The following DISC1 variants were observed in gnomAD, a reference collection of about 807,000 sequenced individuals.
DISC1 encodes the protein disrupted in schizophrenia 1 protein.
Under a neutral mutation model 84.5 loss-of-function variants are expected in DISC1, and 57 were observed. The ratio of observed to expected loss-of-function variants is 0.67; its 90% confidence interval spans 0.55 to 0.84. The LOEUF is 0.84. DISC1 is among the 40% of genes least tolerant of loss of function. The pLI is 0.00. For missense variants in DISC1, 1,000 were observed against 1,057.8 expected, an observed-to-expected ratio of 0.95 and a Z score of 0.76; for synonymous variants, 411 against 415.2, an observed-to-expected ratio of 0.99 and a Z score of 0.12.
chr1:231,731,031 A>G lies in DISC1; in HGVS notation c.1118-18895A>G, dbSNP rs186706736. The stretch of plus-strand genomic sequence containing the variant: ...TTTTTGTGTAGGCATGATCTATCAC[A>G]TTTCCCTGTATAACCCCAAATGGGA... On this transcript the variant is annotated intron_variant, in intron 3 of 12. Coordinates refer to ENST00000439617, the MANE Select transcript of DISC1 (RefSeq NM_018662.3). 4.1e-3 allele frequency among the ~76,000 whole-genome samples: 618 copies of G among 152,300 alleles called. 8 individuals carry two copies. Among genetic ancestry groups the G allele is most frequent in the Admixed American group, 0.037 (572 of 15,302 alleles).
rs59522401 is a variant in DISC1, at chr1:231,861,452, GTTTTTTT to G, written c.1981+42954_1981+42960del. Among the ~76,000 whole-genome samples, 16 of 88,984 alleles carry G rather than the reference GTTTTTTT, an allele frequency of 1.8e-4. No individual in the cohort carries two copies. The South Asian group carries it at 3.4e-3, about 19-fold the overall frequency. The allele number at this position is 88,984 out of a possible 152,430, so 58.4% of individuals were successfully genotyped here. ...CAGACTCTGTCATTGATTTTGACAAGTTTTTTTTTTTTTTTTTTTTTTTTTGGTTGTT... is the reference window on the plus strand; with the variant it reads ...CAGACTCTGTCATTGATTTTGACAAGTTTTTTTTTTTTTTTTTTGGTTGTT... On this transcript the variant is annotated intron_variant, in intron 9 of 12. Transcript: ENST00000439617.
intron 1 of DISC1, among the ~76,000 whole-genome samples, chr1:231,660,838 T>C (rs1370890253): frequency 1.3e-5 from 2 of 152,206 alleles, no homozygotes; most frequent in Non-Finnish European, 2.9e-5. Flanking sequence ...TTTGCAGACT[T>C]GTTTATGTAG....
chr1:231,982,982 C>T (rs1335263676), intron 10 of DISC1, among the ~76,000 whole-genome samples: 1 of 152,080 alleles, frequency 6.6e-6, no homozygotes, highest in East Asian at 1.9e-4. Flanking sequence ...GAAGTAAAGA[C>T]AAGTCTAAAA....
chr1:231,934,541 A>G (rs1655163849), intron 9 of DISC1, among the ~76,000 whole-genome samples: 1 of 152,232 alleles, frequency 6.6e-6, no homozygotes, highest in African/African-American at 2.4e-5. Context: ...CAGTAGAAAT[A>G]TGCAACTTAT....
intron 3 of DISC1, among the ~76,000 whole-genome samples, chr1:231,721,414 C>T (rs2125103056): frequency 6.6e-6 from 1 of 152,304 alleles, no homozygotes; most frequent in Middle Eastern, 3.4e-3. Flanking sequence ...GATTTGGCTT[C>T]ATGCTCCAAG....
chr1:232,036,467 C>T (rs1487654584), intron 12 of DISC1, among the ~76,000 whole-genome samples: 1 of 152,162 alleles, frequency 6.6e-6, no homozygotes, highest in Non-Finnish European at 1.5e-5. Context: ...TAAGACCTGA[C>T]TTGAGAGAGT....
At chr1:231,771,858 C>A (rs1339782999) in intron 6 of DISC1, among the ~76,000 whole-genome samples, 1 of 152,098 alleles carries the variant, frequency 6.6e-6, no homozygotes, top group African/African-American at 2.4e-5. Context: ...GGCTGGAGCA[C>A]AGTGGCACAA....
intron 1 of DISC1, among the ~76,000 whole-genome samples, chr1:231,682,028 T>TG (rs1008891367): frequency 1.3e-5 from 2 of 152,078 alleles, no homozygotes; most frequent in Non-Finnish European, 2.9e-5. Context: ...ATTATGTGCA[T>TG]GGGGGGCATC....
intron 9 of DISC1, among the ~76,000 whole-genome samples, chr1:231,912,756 T>A (rs1239858383): frequency 9.7e-6 from 1 of 103,480 alleles, no homozygotes; most frequent in African/African-American, 4.4e-5. Flanking sequence ...TTTCTTTCTT[T>A]CTTTCTTTCT....
chr1:231,637,335 C>T lies in DISC1; in HGVS notation c.67+10401C>T, dbSNP rs192875490. Among the ~76,000 whole-genome samples, 377 of 152,188 alleles carry T rather than the reference C, an allele frequency of 2.5e-3. 1 individual carries two copies. Among genetic ancestry groups the T allele is most frequent in the Non-Finnish European group, 3.6e-3 (245 of 68,012 alleles). On this transcript the variant is annotated intron_variant, in intron 1 of 12. Transcript: ENST00000439617. ...GTATACACCCAGTAATGGGATTGCTCGGTCAAATGATTAGTTTTTTATTTA... is the reference window on the plus strand; with the variant it reads ...GTATACACCCAGTAATGGGATTGCTTGGTCAAATGATTAGTTTTTTATTTA...
chr1:231,818,414 C>A lies in DISC1; in HGVS notation c.1878C>A (p.Ser626Arg). Residue 626 changes from serine to arginine, a missense_variant, in exon 9 of 13, where the codon AGC (serine) becomes AGA (arginine). Ser to Arg is a moderately radical substitution (Grantham distance 110). This residue lies in a region of DISC1 where 397 missense variants were observed against 377.5 expected (regional missense o/e 1.05). Coordinates refer to ENST00000439617, the MANE Select transcript of DISC1 (RefSeq NM_018662.3). ...SEREGLEGLL[S>R]KLLVLSSRNV... is the part of the protein sequence containing the mutation. The stretch of plus-strand genomic sequence containing the variant: ...GAGAAGGGCTGGAGGGACTCCTCAG[C>A]AAGCTGTTGGTGTTGAGTTCCAGGA... The A allele has an allele frequency of 6.2e-7, 1 of 1,614,172 alleles. No homozygotes were observed. Among genetic ancestry groups the A allele is most frequent in the Non-Finnish European group, 8.5e-7 (1 of 1,180,024 alleles).
chr1:232,020,491 A>C (rs1668863966), intron 11 of DISC1, among the ~76,000 whole-genome samples: 1 of 152,196 alleles, frequency 6.6e-6, no homozygotes, highest in African/African-American at 2.4e-5. Context: ...TTCTCAGGGA[A>C]GGTTTCCGAC....
At chr1:231,633,019 C>G (rs2125102687) in intron 1 of DISC1, among the ~76,000 whole-genome samples, 1 of 152,196 alleles carries the variant, frequency 6.6e-6, no homozygotes, top group Admixed American at 6.5e-5. Context: ...TGCAGTGAGC[C>G]AAGATCATGT....
At chr1:231,650,619 G>A (rs953706831) in intron 1 of DISC1, among the ~76,000 whole-genome samples, 3 of 152,160 alleles carry the variant, frequency 2.0e-5, no homozygotes, top group Admixed American at 6.5e-5. Flanking sequence ...GCCTTGCTAG[G>A]TTGGGGAAGT....
At position 231,750,172 on chromosome 1, in the gene DISC1, AC is replaced by A. The variant is rs1005039089; in HGVS notation, c.1268+99del. 1.1e-5 allele frequency: 17 copies of A among 1,501,756 alleles called. No homozygotes were observed. In the East Asian group the frequency reaches 3.0e-4, roughly 27 times the overall value. 93.0% of individuals were successfully genotyped at this position (1,501,756 alleles called of 1,614,324 possible). On this transcript the variant is annotated intron_variant, in intron 4 of 12. Transcript: ENST00000439617. ...AGCTGGGAGGAGCTTAGCTGTAGAG[AC>A]CCTTGGCTGCCTTTCCTGGGAAGGG... is the stretch of plus-strand genomic sequence containing the variant.
chr1:231,691,626 T>C (rs185141800), intron 1 of DISC1, among the ~76,000 whole-genome samples: 13 of 152,308 alleles, frequency 8.5e-5, no homozygotes, highest in Non-Finnish European at 1.8e-4. Context: ...CCACAGACAG[T>C]ATAGGTTTCA....
rs562888061 is a variant in DISC1 at position 231,878,384 on chromosome 1, G to C, written c.1981+59867G>C. 5.9e-5 allele frequency among the ~76,000 whole-genome samples: 9 copies of C among 152,206 alleles called. No individual in the cohort carries two copies. In the South Asian group the frequency reaches 1.9e-3, roughly 32 times the overall value. On this transcript the variant is annotated intron_variant, in intron 9 of 12. Transcript: ENST00000439617. The stretch of plus-strand genomic sequence containing the variant: ...TCTGAGGGACAATAGTAACAGATGG[G>C]GAGAAAAGAGCACCAGACCCTCTGA...
chr1:231,861,708 A>G (rs1374359211), intron 9 of DISC1, among the ~76,000 whole-genome samples: 1 of 152,156 alleles, frequency 6.6e-6, no homozygotes, highest in Non-Finnish European at 1.5e-5. Flanking sequence ...CAGCATGTAC[A>G]AGAGGTTGCT....
At chr1:231,867,719 TAC>T (rs2085160965) in intron 9 of DISC1, among the ~76,000 whole-genome samples, 1 of 152,240 alleles carries the variant, frequency 6.6e-6, no homozygotes, top group Non-Finnish European at 1.5e-5. Context: ...GATCTTCCCA[TAC>T]AGTTAGATTT....
Sources: gnomAD v4.1 joint callset for allele counts (sites outside exome capture counted in the v4.1 genomes callset) on GRCh38, gnomAD v4.1.1 for gene constraint, gnomAD v4.1.1 regional missense constraint, MANE v1.5 for transcripts, NCBI Gene and HGNC (gene_info 2026-07-23, HGNC 2026-07-21) for gene names.